Variants in CDKAL1 observed in about 807,000 individuals in gnomAD.
The protein encoded by CDKAL1 is CDKAL1 threonylcarbamoyladenosine tRNA methylthiotransferase.
Under a neutral mutation model 68.2 loss-of-function variants are expected in CDKAL1, and 32 were observed. That is an observed-to-expected ratio of 0.47 (90% CI 0.35 to 0.63). CDKAL1 has a LOEUF of 0.63. Ranked by LOEUF, CDKAL1 falls within the 30% of genes least tolerant of loss-of-function variation. CDKAL1 has a pLI of 0.00. For missense variants in CDKAL1, 606 were observed against 696.7 expected, an observed-to-expected ratio of 0.87 and a Z score of 1.47; for synonymous variants, 234 against 244.3, an observed-to-expected ratio of 0.96 and a Z score of 0.39.
At chr6:21,181,162 C>G (rs1214781078) in intron 13 of CDKAL1, among the ~76,000 whole-genome samples, 1 of 152,206 alleles carries the variant, frequency 6.6e-6, no homozygotes, top group East Asian at 1.9e-4. Flanking sequence ...AGCTAACCAA[C>G]TCCGGAGATA....
At chr6:21,085,177 T>C (rs1422866134) in intron 12 of CDKAL1, among the ~76,000 whole-genome samples, 1 of 152,192 alleles carries the variant, frequency 6.6e-6, no homozygotes, top group Non-Finnish European at 1.5e-5. Flanking sequence ...ACTACAGCAA[T>C]CTTTTTGCCT....
At chr6:20,919,100 G>A (rs1302258099) in intron 9 of CDKAL1, among the ~76,000 whole-genome samples, 2 of 152,178 alleles carry the variant, frequency 1.3e-5, no homozygotes, top group African/African-American at 2.4e-5. Flanking sequence ...AACAGAAACA[G>A]AGTATTAAAG....
intron 5 of CDKAL1, among the ~76,000 whole-genome samples, chr6:20,684,261 G>A (rs1161308739): frequency 6.6e-6 from 1 of 152,162 alleles, no homozygotes; most frequent in Admixed American, 6.5e-5. Flanking sequence ...GGCCAACATG[G>A]CAAAACCCTG....
intron 4 of CDKAL1, among the ~76,000 whole-genome samples, chr6:20,603,580 G>A (rs1217964191): frequency 6.6e-6 from 1 of 152,032 alleles, no homozygotes; most frequent in Non-Finnish European, 1.5e-5. Flanking sequence ...TGGATGATAT[G>A]CAAGTGTTAC....
At chr6:20,738,746 G>T (rs997113922) in intron 5 of CDKAL1, among the ~76,000 whole-genome samples, 1 of 152,068 alleles carries the variant, frequency 6.6e-6, no homozygotes, top group East Asian at 1.9e-4. Context: ...TGATCCTCCC[G>T]CCTTGGCCTC....
At chr6:20,981,159 T>C (rs1210242349) in intron 10 of CDKAL1, among the ~76,000 whole-genome samples, 1 of 152,214 alleles carries the variant, frequency 6.6e-6, no homozygotes, top group Non-Finnish European at 1.5e-5. Flanking sequence ...TTTTTGAACT[T>C]CTTTTATATA....
At chr6:20,557,646 G>T (rs1450949256) in intron 4 of CDKAL1, among the ~76,000 whole-genome samples, 1 of 152,110 alleles carries the variant, frequency 6.6e-6, no homozygotes, top group East Asian at 1.9e-4. Flanking sequence ...CCTTAACATG[G>T]CTGGGCACGG....
intron 12 of CDKAL1, among the ~76,000 whole-genome samples, chr6:21,081,921 A>G (rs1175804272): frequency 1.3e-5 from 2 of 152,056 alleles, no homozygotes; most frequent in Non-Finnish European, 2.9e-5. Context: ...TGTGATAAGT[A>G]TGGTTCATTA....
chr6:20,801,548 C>G (rs1416529759), intron 8 of CDKAL1, among the ~76,000 whole-genome samples: 3 of 152,132 alleles, frequency 2.0e-5, no homozygotes, highest in East Asian at 1.9e-4. Context: ...AACACTTCCT[C>G]TAAATACTAC....
At chr6:20,560,093 T>A (rs1005778100) in intron 4 of CDKAL1, among the ~76,000 whole-genome samples, 1 of 152,200 alleles carries the variant, frequency 6.6e-6, no homozygotes, top group Non-Finnish European at 1.5e-5. Flanking sequence ...AGACATGATG[T>A]ATTTTTAGCT....
At chr6:21,226,284 GTTTT>G (rs57712859) in intron 15 of CDKAL1, among the ~76,000 whole-genome samples, 5 of 138,720 alleles carry the variant, frequency 3.6e-5, no homozygotes, top group Non-Finnish European at 4.7e-5. Flanking sequence ...GAACATGAAA[GTTTT>G]TTTTTTTTTT....
chr6:20,537,469 G>T (rs950446835), intron 2 of CDKAL1, among the ~76,000 whole-genome samples: 1 of 152,120 alleles, frequency 6.6e-6, no homozygotes, highest in Non-Finnish European at 1.5e-5. Context: ...AGCTGGGCGT[G>T]GTGGCAGGTG....
chr6:21,164,222 A>G (rs534982065), intron 13 of CDKAL1, among the ~76,000 whole-genome samples: 1 of 152,230 alleles, frequency 6.6e-6, no homozygotes, highest in African/African-American at 2.4e-5. Context: ...TTGTGATCAT[A>G]GATTTGAAAT....
chr6:21,230,255 A>G (rs1779905751), intron 15 of CDKAL1, among the ~76,000 whole-genome samples: 1 of 152,156 alleles, frequency 6.6e-6, no homozygotes, highest in Non-Finnish European at 1.5e-5. Flanking sequence ...TTCACCTTCC[A>G]GGTTCCAGCA....
intron 9 of CDKAL1, among the ~76,000 whole-genome samples, chr6:20,887,275 T>C (rs1053059375): frequency 6.6e-6 from 1 of 152,212 alleles, no homozygotes; most frequent in Non-Finnish European, 1.5e-5. Flanking sequence ...AGTTTCTTAT[T>C]GAAGTCAACA....
At chr6:21,024,589 C>T (rs1373542797) in intron 11 of CDKAL1, among the ~76,000 whole-genome samples, 1 of 152,150 alleles carries the variant, frequency 6.6e-6, no homozygotes. Flanking sequence ...TACATGTCCT[C>T]CAGCCTCATA....
At chr6:20,709,115 A>C (rs1771731747) in intron 5 of CDKAL1, among the ~76,000 whole-genome samples, 1 of 148,040 alleles carries the variant, frequency 6.8e-6, no homozygotes, top group Non-Finnish European at 1.5e-5. Flanking sequence ...CTGAGTGTCT[A>C]ACAGCTGTTA....
chr6:20,605,559 T>G (rs1766297652), intron 4 of CDKAL1, among the ~76,000 whole-genome samples: 1 of 152,184 alleles, frequency 6.6e-6, no homozygotes, highest in East Asian at 1.9e-4. Flanking sequence ...AAATTTTACC[T>G]TTTTGGTTGC....
intron 4 of CDKAL1, among the ~76,000 whole-genome samples, chr6:20,605,557 C>A (rs1326713221): frequency 6.6e-6 from 1 of 151,956 alleles, no homozygotes; most frequent in African/African-American, 2.4e-5. Context: ...GTAAATTTTA[C>A]CTTTTTGGTT....
Sources: allele counts gnomAD v4.1 joint callset (sites outside exome capture counted in the v4.1 genomes callset), GRCh38; gene constraint gnomAD v4.1.1; transcripts MANE v1.5; gene names NCBI Gene and HGNC (gene_info 2026-07-23, HGNC 2026-07-21).